EIF3D: variants seen among roughly 807,000 people sequenced by gnomAD.
EIF3D encodes the protein eukaryotic translation initiation factor 3 subunit D.
A neutral mutation model predicts 75.4 loss-of-function variants in EIF3D; 10 were observed. The ratio of observed to expected loss-of-function variants is 0.13; its 90% CI spans 0.08 to 0.22. EIF3D has a LOEUF of 0.22. Ranked by LOEUF, EIF3D falls within the 10% of genes least tolerant of loss-of-function variation. EIF3D has a pLI of 1.00. For synonymous variants in EIF3D, 246 were observed against 248.3 expected (o/e 0.99, Z 0.09); for missense variants, 394 against 708.0 (o/e 0.56, Z 5.03).
Position 36,529,149 on chromosome 22 carries a change from G to T in EIF3D, c.-84C>A, listed in dbSNP as rs2145882449. The T allele has an allele frequency of 2.5e-6, 1 of 396,932 alleles. No individual in the cohort carries two copies. Among genetic ancestry groups the T allele is most frequent in the East Asian group, 3.6e-5 (1 of 28,034 alleles). The allele number at this position is 396,932 out of a possible 1,614,324, so 24.6% of individuals were successfully genotyped here. A position where few individuals can be genotyped will look rare whatever the true frequency, so the allele number is the denominator to read the frequency against. ...GGACCGCGTTAGCAGCAGCACTCTT[G>T]AGAAACCAGGAAAAGAGGAAACATG... is the stretch of plus-strand genomic sequence containing the variant. On this transcript the variant is annotated 5_prime_UTR_variant, in exon 1 of 15. Transcript: ENST00000216190.
At chr22:36,512,190 G>A (rs1934351130) in intron 13 of EIF3D, among the ~76,000 whole-genome samples, 3 of 152,126 alleles carry the variant, frequency 2.0e-5, no homozygotes, top group Admixed American at 6.6e-5. Context: ...GCGCCCGGCA[G>A]TCCACTGCTA....
At chr22:36,525,800 G>T in intron 2 of EIF3D, 91 bp from the exon 3 acceptor site, 1 of 1,528,046 alleles carries the variant, frequency 6.5e-7, no homozygotes, top group Non-Finnish European at 8.9e-7. Flanking sequence ...AGGACAGCGT[G>T]GAAGAGTCTC....
chr22:36,516,859 C>T, intron 10 of EIF3D, 69 bp from the exon 11 acceptor site: 1 of 1,413,754 alleles, frequency 7.1e-7, no homozygotes, highest in Admixed American at 1.7e-5. Flanking sequence ...TCAGTCAGAC[C>T]CAGCACCTCT....
chr22:36,522,500 C>T (rs1219288251), intron 6 of EIF3D, among the ~76,000 whole-genome samples: 2 of 152,096 alleles, frequency 1.3e-5, no homozygotes, highest in Non-Finnish European at 2.9e-5. Context: ...AAAACTGTAC[C>T]GACACATGCT....
chr22:36,527,706 G>A (rs1366292409), intron 1 of EIF3D, among the ~76,000 whole-genome samples: 2 of 152,192 alleles, frequency 1.3e-5, no homozygotes, highest in Non-Finnish European at 2.9e-5. Flanking sequence ...GGGCGTGGTG[G>A]CGGGCACCTG....
rs1044637414 is a variant in EIF3D, at chr22:36,511,381, A to G, written c.1633+122T>C. On this transcript the variant is annotated intron_variant, in intron 14 of 14. Coordinates refer to ENST00000216190, the MANE Select transcript of EIF3D (RefSeq NM_003753.4). Reference sequence around the variant, plus strand: ...TTGGAGCCAAAGTGAATGCTTCTTCATACTTAAGTCTCAGGGAATTCTCGA... The same window carrying G: ...TTGGAGCCAAAGTGAATGCTTCTTCGTACTTAAGTCTCAGGGAATTCTCGA... 17 of 1,519,390 alleles carry G rather than the reference A, an allele frequency of 1.1e-5. No homozygotes were observed. In the East Asian group the frequency reaches 3.6e-4, roughly 32 times the overall value. 94.1% of individuals were successfully genotyped at this position (1,519,390 alleles called of 1,614,324 possible). A position where few individuals can be genotyped will look rare whatever the true frequency, so the allele number is the denominator to read the frequency against.
At chr22:36,523,821 T>C in intron 5 of EIF3D, 74 bp downstream of exon 5, 1 of 1,376,510 alleles carries the variant, frequency 7.3e-7, no homozygotes, top group East Asian at 2.3e-5. Context: ...ACCATCCTCC[T>C]GCTTTGGTCC....
chr22:36,511,436 C>T (rs1375969710), intron 14 of EIF3D, 67 bp downstream of exon 14: 3 of 1,588,330 alleles, frequency 1.9e-6, no homozygotes, highest in East Asian at 2.2e-5. Context: ...ATCACAATGG[C>T]TACAGAGCTT....
intron 8 of EIF3D, 144 bp from the exon 9 acceptor site, chr22:36,519,054 A>G (rs1275593801): frequency 1.7e-6 from 2 of 1,167,884 alleles, no homozygotes; most frequent in African/African-American, 1.6e-5. Flanking sequence ...CACTGCAGCC[A>G]GTGAGCCAGC....
At chr22:36,524,498 T>G in intron 4 of EIF3D, 98 bp downstream of exon 4, 1 of 1,546,872 alleles carries the variant, frequency 6.5e-7, no homozygotes, top group Admixed American at 1.8e-5. Context: ...TATAATATGC[T>G]TCCCTCTCTC....
intron 1 of EIF3D, among the ~76,000 whole-genome samples, chr22:36,527,965 G>A (rs1159233823): frequency 6.6e-6 from 1 of 152,198 alleles, no homozygotes; most frequent in Admixed American, 6.5e-5. Flanking sequence ...GAACCTAGAA[G>A]TTTCATCTTT....
At chr22:36,523,025 G>C (rs1266599878) in intron 6 of EIF3D, 184 bp downstream of exon 6, 6 of 569,758 alleles carry the variant, frequency 1.1e-5, no homozygotes, top group Non-Finnish European at 1.6e-5. Flanking sequence ...ACTGCTAAAG[G>C]GTAAGGGATT....
intron 2 of EIF3D, 78 bp from the exon 3 acceptor site, chr22:36,525,787 G>T: frequency 6.4e-7 from 1 of 1,563,130 alleles, no homozygotes; most frequent in South Asian, 1.2e-5. Flanking sequence ...CCCTGAGCGC[G>T]AGAGGACAGC....
At chr22:36,525,548 T>C (rs1009837540) in intron 3 of EIF3D, 116 bp downstream of exon 3, 22 of 1,176,314 alleles carry the variant, frequency 1.9e-5, no homozygotes, top group Non-Finnish European at 2.5e-5. Context: ...CTAAAAGTTA[T>C]GAATTATTGT....
rs781040963 is a variant in EIF3D at position 36,516,553 on chromosome 22, G to A, written c.1131C>T (p.His377=). 46 of 1,614,024 alleles carry A rather than the reference G, an allele frequency of 2.9e-5. No individual in the cohort carries two copies. The highest frequency in any genetic ancestry group is 3.5e-5 in the Non-Finnish European group (41 of 1,180,048). Residue 377 remains histidine (H), a synonymous_variant, in exon 12 of 15, where the codon CAC becomes CAT. Transcript: ENST00000216190. The part of the protein sequence containing the change: ...DDIDLIVRCE[H]DGVMTGANGE... Reference sequence around the variant, plus strand: ...CGTTGGCTCCAGTCATGACGCCATCGTGCTCACAACGGACAATAAGGTCAA... The same window carrying A: ...CGTTGGCTCCAGTCATGACGCCATCATGCTCACAACGGACAATAAGGTCAA...
At chr22:36,521,164 C>T (rs1011288881) in intron 6 of EIF3D, among the ~76,000 whole-genome samples, 9 of 152,152 alleles carry the variant, frequency 5.9e-5, no homozygotes, top group Non-Finnish European at 8.8e-5. Context: ...AGCACCACTG[C>T]ACTCCAGCCT....
chr22:36,513,690 C>T (rs758868566), intron 12 of EIF3D, among the ~76,000 whole-genome samples: 2 of 152,168 alleles, frequency 1.3e-5, no homozygotes, highest in Non-Finnish European at 2.9e-5. Flanking sequence ...TTTAAAATAT[C>T]CTGCAGCACT....
chr22:36,523,807 T>G (rs12170906), intron 5 of EIF3D, 88 bp downstream of exon 5: 87,270 of 1,260,744 alleles, frequency 0.069, 3,358 homozygotes, highest in African/African-American at 0.14. Flanking sequence ...TGGTGGGGAA[T>G]ACAACCATCC....
intron 5 of EIF3D, 91 bp downstream of exon 5, chr22:36,523,792 TGCAGTGGTGGGG>T: frequency 9.1e-7 from 1 of 1,094,816 alleles, no homozygotes. Flanking sequence ...TTTCCTTTTT[TGCAGTGGTGGGG>T]AATACAACCA....
Sources: allele counts gnomAD v4.1 joint callset (sites outside exome capture counted in the v4.1 genomes callset), GRCh38; gene constraint gnomAD v4.1.1; transcripts MANE v1.5; gene names NCBI Gene and HGNC (gene_info 2026-07-23, HGNC 2026-07-21).